The following BCAS4 variants were observed in gnomAD, a reference collection of about 807,000 sequenced individuals.
The protein encoded by BCAS4 is breast carcinoma-amplified sequence 4.
A neutral mutation model predicts 15.7 loss-of-function variants in BCAS4; 9 were observed. The ratio of observed to expected loss-of-function variants is 0.57; its 90% confidence interval spans 0.34 to 1.00. The LOEUF (loss-of-function observed/expected upper bound fraction) is 1.00. Among genes scored for constraint, BCAS4 ranks in the 50% least tolerant of loss-of-function variants. The probability of loss-of-function intolerance (pLI) is 0.02; values close to 1 mark genes in which losing one functional copy is unlikely to be tolerated. For synonymous variants in BCAS4, 101 were observed against 99.5 expected, an observed-to-expected ratio of 1.02 and a Z score of -0.09; for missense variants, 225 against 239.1, an observed-to-expected ratio of 0.94 and a Z score of 0.39.
chr20:50,876,559 A>T lies in BCAS4; in HGVS notation c.473A>T (p.Asp158Val), dbSNP rs1979960762. 1 of 1,613,964 alleles carries T rather than the reference A, an allele frequency of 6.2e-7. No individual in the cohort carries two copies. Among genetic ancestry groups the T allele is most frequent in the Non-Finnish European group, 8.5e-7 (1 of 1,179,992 alleles). Residue 158 changes from aspartate to valine, a missense_variant, in exon 5 of 5, where the codon GAC (aspartate) becomes GTC (valine). Coordinates refer to ENST00000371608, the MANE Select transcript of BCAS4 (RefSeq NM_198799.4). ...LYRTEDYFPV[D>V]AGEAQHHPRT... is the part of the protein sequence containing the mutation. ...AGGACGGAGGACTATTTTCCTGTGG[A>T]CGCCGGGGAAGCACAGCACCACCCC... is the stretch of plus-strand genomic sequence containing the variant.
intron 4 of BCAS4, among the ~76,000 whole-genome samples, chr20:50,875,030 C>T (rs547157376): frequency 2.0e-5 from 3 of 152,180 alleles, no homozygotes; most frequent in Non-Finnish European, 2.9e-5. Flanking sequence ...AGCAGTAGCC[C>T]GGGAGCCCTC....
At chr20:50,811,467 G>A (rs368376396) in intron 1 of BCAS4, among the ~76,000 whole-genome samples, 2 of 152,212 alleles carry the variant, frequency 1.3e-5, no homozygotes, top group African/African-American at 2.4e-5. Flanking sequence ...AGACATCACC[G>A]TGACCTAATT....
In BCAS4 at chr20:50,804,348, T is replaced by G. The variant is rs569910432; in HGVS notation, c.90+9175T>G. Reference sequence around the variant, plus strand: ...GCCACTGCACCCGGCCTCATGCTTTTTTCACTCATGTTTTGGAGACCTTTT... The same window carrying G: ...GCCACTGCACCCGGCCTCATGCTTTGTTCACTCATGTTTTGGAGACCTTTT... On this transcript the variant is annotated intron_variant, in intron 1 of 4. Transcript: ENST00000371608. Among the ~76,000 whole-genome samples, 14 of 152,328 alleles carry G rather than the reference T, an allele frequency of 9.2e-5. 1 individual carries two copies. The South Asian group carries it at 2.9e-3, about 32-fold the overall frequency.
chr20:50,839,984 C>T (rs974283662), intron 3 of BCAS4, among the ~76,000 whole-genome samples: 1 of 152,202 alleles, frequency 6.6e-6, no homozygotes, highest in Non-Finnish European at 1.5e-5. Flanking sequence ...AAGTGATCCT[C>T]CTGCCCCAGC....
intron 1 of BCAS4, among the ~76,000 whole-genome samples, chr20:50,813,262 C>A (rs2088094389): frequency 6.6e-6 from 1 of 152,224 alleles, no homozygotes; most frequent in South Asian, 2.1e-4. Context: ...TCCTCCACAT[C>A]CTCGCCAGCC....
chr20:50,874,618 C>T (rs2122694619), intron 4 of BCAS4, among the ~76,000 whole-genome samples: 1 of 152,284 alleles, frequency 6.6e-6, no homozygotes, highest in South Asian at 2.1e-4. Context: ...CAGGGCTGGC[C>T]TGGTGCACTG....
chr20:50,856,367 G>A (rs950263073), intron 4 of BCAS4, among the ~76,000 whole-genome samples: 3 of 152,188 alleles, frequency 2.0e-5, no homozygotes, highest in Non-Finnish European at 2.9e-5. Context: ...ATCACACCTT[G>A]TCATGCTGCC....
At chr20:50,863,932 T>TC (rs570021485) in intron 4 of BCAS4, among the ~76,000 whole-genome samples, 6 of 152,188 alleles carry the variant, frequency 3.9e-5, no homozygotes, top group Non-Finnish European at 8.8e-5. Context: ...TCCAGCCAAA[T>TC]CCATCTGCTC....
chr20:50,818,129 C>CT, intron 1 of BCAS4, 82 bp from the exon 2 acceptor site: 2 of 1,252,340 alleles, frequency 1.6e-6, no homozygotes, highest in Non-Finnish European at 1.1e-6. Context: ...ACTTAGTTTG[C>CT]TTTAAAAAAA....
chr20:50,815,483 T>C (rs2088125900), intron 1 of BCAS4, among the ~76,000 whole-genome samples: 1 of 152,208 alleles, frequency 6.6e-6, no homozygotes, highest in South Asian at 2.1e-4. Context: ...TCTTCTCCTC[T>C]AACCACAGTG....
intron 4 of BCAS4, among the ~76,000 whole-genome samples, chr20:50,872,178 C>T (rs894441970): frequency 2.0e-5 from 3 of 146,442 alleles, no homozygotes; most frequent in African/African-American, 2.5e-5. Context: ...GCAGGAGACT[C>T]GCTTGAACCC....
intron 2 of BCAS4, among the ~76,000 whole-genome samples, chr20:50,823,981 TTAA>T (rs1219637108): frequency 6.6e-6 from 1 of 152,100 alleles, no homozygotes; most frequent in African/African-American, 2.4e-5. Context: ...GTGCTATTTA[TTAA>T]TAATTTTTAT....
At chr20:50,830,483 C>T in intron 3 of BCAS4, 103 bp downstream of exon 3, 1 of 867,192 alleles carries the variant, frequency 1.2e-6, no homozygotes, top group Non-Finnish European at 1.8e-6. Context: ...GGCATTATGC[C>T]CAATGCAGGG....
chr20:50,822,485 C>CT (rs1261323608), intron 2 of BCAS4, among the ~76,000 whole-genome samples: 1 of 152,126 alleles, frequency 6.6e-6, no homozygotes, highest in Non-Finnish European at 1.5e-5. Flanking sequence ...GAGATGTGTG[C>CT]TTTACACCCA....
In BCAS4 at chr20:50,876,837, C is replaced by T. The variant is rs1254425590; in HGVS notation, c.*229C>T. 7.7e-6 allele frequency: 3 copies of T among 390,762 alleles called. No individual in the cohort carries two copies. Among genetic ancestry groups the T allele is most frequent in the Non-Finnish European group, 8.4e-6 (2 of 238,970 alleles). The allele number at this position is 390,762 out of a possible 1,614,324, so 24.2% of individuals were successfully genotyped here. ...GGGATTATGGGCAGGAGCCTCCGTG[C>T]CCAGGCTGCTGCCATTTTCAAATTT... On this transcript the variant is annotated 3_prime_UTR_variant, in exon 5 of 5. Coordinates refer to ENST00000371608, the MANE Select transcript of BCAS4 (RefSeq NM_198799.4).
intron 1 of BCAS4, among the ~76,000 whole-genome samples, chr20:50,797,792 A>C (rs1426279047): frequency 1.3e-5 from 2 of 151,994 alleles, no homozygotes; most frequent in Non-Finnish European, 2.9e-5. Context: ...CAGCCTCCCG[A>C]GTAGCTGGGA....
At chr20:50,848,105 C>G (rs1229709513) in intron 4 of BCAS4, among the ~76,000 whole-genome samples, 1 of 151,466 alleles carries the variant, frequency 6.6e-6, no homozygotes, top group African/African-American at 2.4e-5. Flanking sequence ...AAAGGGGGCC[C>G]TTTAGCTGGG....
At chr20:50,828,779 A>C (rs1459800458) in intron 2 of BCAS4, among the ~76,000 whole-genome samples, 1 of 152,142 alleles carries the variant, frequency 6.6e-6, no homozygotes, top group Non-Finnish European at 1.5e-5. Flanking sequence ...ATTCAGTCTC[A>C]AAAAACAAAC....
At chr20:50,861,571 T>C (rs1268013190) in intron 4 of BCAS4, among the ~76,000 whole-genome samples, 1 of 152,194 alleles carries the variant, frequency 6.6e-6, no homozygotes, top group African/African-American at 2.4e-5. Context: ...GGGATGGGGT[T>C]GGCAGGTGAG....
Sources: allele counts gnomAD v4.1 joint callset (sites outside exome capture counted in the v4.1 genomes callset), GRCh38; gene constraint gnomAD v4.1.1; transcripts MANE v1.5; gene names NCBI Gene and HGNC (gene_info 2026-07-23, HGNC 2026-07-21).